The following RS1 variants were observed in gnomAD, a reference collection of about 807,000 sequenced individuals.
The protein encoded by RS1 is retinoschisin 1, also known as retinoschisin.
RS1 carries 2 observed loss-of-function variants against 20.8 expected under a neutral mutation model. That is an observed-to-expected ratio of 0.10 (90% confidence interval 0.04 to 0.30). The LOEUF (loss-of-function observed/expected upper bound fraction) is 0.30. Ranked by LOEUF, RS1 falls within the 10% of genes least tolerant of loss-of-function variation. The pLI, the probability that RS1 is intolerant of heterozygous loss-of-function variation, is 1.00. For synonymous variants in RS1, 70 were observed against 75.8 expected, an observed-to-expected ratio of 0.92 and a Z score of 0.40; for missense variants, 151 against 189.8, an observed-to-expected ratio of 0.80 and a Z score of 1.20.
At chrX:18,658,208 G>A (rs377518438) in intron 1 of RS1, among the ~76,000 whole-genome samples, 3 of 111,278 alleles carry the variant, frequency 2.7e-5, no homozygotes, top group East Asian at 2.8e-4. Context: ...ATTTTTGTTC[G>A]TTATAGAATT....
At position 18,640,131 on chromosome X, in the gene RS1, T is replaced by C. The variant is rs770170712; in HGVS notation, c.*1873A>G. 1 of 111,516 alleles carries C rather than the reference T, an allele frequency of 9.0e-6. No homozygotes were observed. The highest frequency in any genetic ancestry group is 9.5e-5 in the Admixed American group (1 of 10,489). The allele number at this position is 111,516 out of a possible 1,213,427, so 9.2% of individuals were successfully genotyped here. A position where few individuals can be genotyped will look rare whatever the true frequency, so the allele number is the denominator to read the frequency against. ...CCAAAAGTCATCAAATTGTACACTT[T>C]AAATGGATACAAATTGTATGTGAAC... On this transcript the variant is annotated 3_prime_UTR_variant, in exon 6 of 6. Coordinates refer to ENST00000379984, the MANE Select transcript of RS1 (RefSeq NM_000330.4).
intron 3 of RS1, 54 bp from the exon 4 acceptor site, chrX:18,647,386 C>G: frequency 8.6e-7 from 1 of 1,166,959 alleles, no homozygotes; most frequent in Non-Finnish European, 1.2e-6. Flanking sequence ...TCAACAAGCA[C>G]CAGGTGACTG....
rs367656599 is a variant in RS1 at position 18,668,210 on chromosome X, C to T, written c.52+3807G>A. ...TCCGCCACATGTTACATGAGACATC[C>T]GCCAGTCACCAATCTTAGATTTATG... On this transcript the variant is annotated intron_variant, in intron 1 of 5. Transcript: ENST00000379984. Among the ~76,000 whole-genome samples, 6 of 112,035 alleles carry T rather than the reference C, an allele frequency of 5.4e-5. No individual in the cohort carries two copies. The East Asian group carries it at 1.1e-3, about 21-fold the overall frequency.
At chrX:18,651,220 AGTGTGTGTGTGTGTGTGTGTGTGTGT>A (rs3838188) in intron 3 of RS1, among the ~76,000 whole-genome samples, 4 of 65,192 alleles carry the variant, frequency 6.1e-5, no homozygotes, top group African/African-American at 2.5e-4. Flanking sequence ...GGCAGGAGCA[AGTGTGTGTGTGTGTGTGTGTGTGTGT>A]GTGTGTGTGT....
rs765573938 is a variant in RS1 at position 18,657,573 on chromosome X, AT to A, written c.78+66del. The A allele has an allele frequency of 2.4e-4, 208 of 860,795 alleles. 1 individual carries two copies. The South Asian group carries it at 4.2e-3, about 17-fold the overall frequency. The allele number at this position is 860,795 out of a possible 1,213,427, so 70.9% of individuals were successfully genotyped here. A position where few individuals can be genotyped will look rare whatever the true frequency, so the allele number is the denominator to read the frequency against. On this transcript the variant is annotated intron_variant, in intron 2 of 5. Transcript: ENST00000379984. Reference sequence around the variant, plus strand: ...AAACAAAGTGATAGTCCTCTATGTTATTTTTGGCTAGGAAAATTTTCAAAAG... The same window carrying A: ...AAACAAAGTGATAGTCCTCTATGTTATTTTGGCTAGGAAAATTTTCAAAAG...
intron 3 of RS1, chrX:18,650,139 T>C: frequency 2.5e-6 from 1 of 404,770 alleles, no homozygotes; most frequent in African/African-American, 2.5e-5. Flanking sequence ...CCCAAATAGC[T>C]CATCTAACAC....
intron 3 of RS1, among the ~76,000 whole-genome samples, chrX:18,656,018 C>A (rs1281047323): frequency 1.1e-5 from 1 of 90,114 alleles, no homozygotes; most frequent in Non-Finnish European, 2.1e-5. Context: ...TTTGAGACAG[C>A]CTCTCGCTCT....
chrX:18,652,055 C>T (rs1165851804), intron 3 of RS1, among the ~76,000 whole-genome samples: 1 of 110,729 alleles, frequency 9.0e-6, no homozygotes, highest in East Asian at 2.8e-4. Context: ...GTCACGCACC[C>T]CTCCTCCTCA....
chrX:18,664,326 A>G (rs1296428993), intron 1 of RS1, among the ~76,000 whole-genome samples: 1 of 112,514 alleles, frequency 8.9e-6, no homozygotes, highest in Admixed American at 9.4e-5. Context: ...ACATGGATCC[A>G]TTAAAAAACG....
chrX:18,646,240 G>A (rs1007255604), intron 4 of RS1: 42 of 908,911 alleles, frequency 4.6e-5, no homozygotes, highest in Non-Finnish European at 5.4e-5. Flanking sequence ...TGCAACCTCC[G>A]CCTCCCAGGT....
intron 1 of RS1, among the ~76,000 whole-genome samples, chrX:18,661,729 C>G (rs184276284): frequency 1.8e-5 from 2 of 111,827 alleles, no homozygotes; most frequent in South Asian, 3.7e-4. Context: ...CTCGTTCCGC[C>G]GGTTGATGGC....
At chrX:18,647,420 C>T in intron 3 of RS1, 88 bp from the exon 4 acceptor site, 1 of 1,029,142 alleles carries the variant, frequency 9.7e-7, no homozygotes, top group Non-Finnish European at 1.4e-6. Context: ...AACCCATCTG[C>T]TTTGCGCTTC....
chrX:18,662,829 G>A (rs1360777826), intron 1 of RS1, among the ~76,000 whole-genome samples: 4 of 109,549 alleles, frequency 3.7e-5, no homozygotes, highest in Admixed American at 9.8e-5. Flanking sequence ...GGGTTTCACT[G>A]TGTTAGCCAG....
At chrX:18,652,498 A>C (rs751442613) in intron 3 of RS1, among the ~76,000 whole-genome samples, 1 of 111,472 alleles carries the variant, frequency 9.0e-6, no homozygotes, top group Non-Finnish European at 1.9e-5. Flanking sequence ...GTGAAACCCC[A>C]TCTCTACTAA....
intron 1 of RS1, among the ~76,000 whole-genome samples, chrX:18,659,645 C>G (rs1465930129): frequency 9.0e-6 from 1 of 111,455 alleles, no homozygotes; most frequent in Non-Finnish European, 1.9e-5. Context: ...GTTTAAAGCA[C>G]TGATGGGGTG....
chrX:18,656,257 G>T (rs1255719228), intron 3 of RS1, among the ~76,000 whole-genome samples: 1 of 111,833 alleles, frequency 8.9e-6, no homozygotes, highest in Non-Finnish European at 1.9e-5. Flanking sequence ...CTCCCAAAGT[G>T]CTGGGATTAC....
At chrX:18,647,505 C>T (rs150064277) in intron 3 of RS1, 173 bp from the exon 4 acceptor site, 59 of 479,281 alleles carry the variant, frequency 1.2e-4, no homozygotes, top group African/African-American at 4.1e-4. Flanking sequence ...TCACTACTCA[C>T]GCAAGAAAGG....
At chrX:18,654,572 G>C (rs1249460774) in intron 3 of RS1, among the ~76,000 whole-genome samples, 1 of 111,987 alleles carries the variant, frequency 8.9e-6, no homozygotes, top group South Asian at 3.7e-4. Flanking sequence ...GTCAGTGCCT[G>C]ACACATCATA....
At chrX:18,652,532 A>G (rs918838172) in intron 3 of RS1, among the ~76,000 whole-genome samples, 5 of 111,438 alleles carry the variant, frequency 4.5e-5, no homozygotes, top group African/African-American at 1.3e-4. Flanking sequence ...AGCCGAGCGC[A>G]GTGGTTGGCA....
Sources: gnomAD v4.1 joint callset for allele counts (sites outside exome capture counted in the v4.1 genomes callset) on GRCh38, gnomAD v4.1.1 for gene constraint, MANE v1.5 for transcripts, NCBI Gene and HGNC (gene_info 2026-07-23, HGNC 2026-07-21) for gene names.